The following ZMAT4 variants were observed in gnomAD, a reference collection of about 807,000 sequenced individuals.
The protein encoded by ZMAT4 is zinc finger matrin-type 4, also known as zinc finger matrin-type protein 4.
Under a neutral mutation model 28.7 loss-of-function variants are expected in ZMAT4, and 17 were observed. The ratio of observed to expected loss-of-function variants is 0.59; its 90% CI spans 0.41 to 0.89. The LOEUF (loss-of-function observed/expected upper bound fraction) is 0.89. ZMAT4 is among the 40% of genes least tolerant of loss of function. The probability of loss-of-function intolerance (pLI) is 0.00; values close to 1 mark genes in which losing one functional copy is unlikely to be tolerated. For missense variants in ZMAT4, 240 were observed against 283.8 expected, an observed-to-expected ratio of 0.85 and a Z score of 1.11; for synonymous variants, 117 against 109.2, an observed-to-expected ratio of 1.07 and a Z score of -0.44.
intron 2 of ZMAT4, among the ~76,000 whole-genome samples, chr8:40,797,128 G>C (rs903481239): frequency 6.6e-6 from 1 of 152,096 alleles, no homozygotes; most frequent in Admixed American, 6.6e-5. Context: ...TTTTCCCCTT[G>C]TCTAACCACT....
intron 5 of ZMAT4, among the ~76,000 whole-genome samples, chr8:40,649,898 C>A (rs1341728757): frequency 6.6e-6 from 1 of 151,478 alleles, no homozygotes; most frequent in African/African-American, 2.4e-5. Context: ...ACACAACATA[C>A]CAGAATCTCT....
chr8:40,675,563 G>T (rs1231252802), intron 4 of ZMAT4, among the ~76,000 whole-genome samples: 1 of 152,164 alleles, frequency 6.6e-6, no homozygotes, highest in African/African-American at 2.4e-5. Context: ...GTAAGGGAGT[G>T]ATCTATCAGT....
At position 40,646,269 on chromosome 8, in the gene ZMAT4, G is replaced by A. The variant is rs766072240; in HGVS notation, c.577+28435C>T. Among the ~76,000 whole-genome samples, 22 of 149,478 alleles carry A rather than the reference G, an allele frequency of 1.5e-4. No individual in the cohort carries two copies. In the South Asian group the frequency reaches 1.7e-3, roughly 12 times the overall value. Reference sequence around the variant, plus strand: ...TTTTTGCTTCTCTGTTCCTCTCTTCGTGCTTTTTTTCATGTAATTTAATTT... The same window carrying A: ...TTTTTGCTTCTCTGTTCCTCTCTTCATGCTTTTTTTCATGTAATTTAATTT... On this transcript the variant is annotated intron_variant, in intron 5 of 6. Transcript: ENST00000297737.
chr8:40,532,588 T>C (rs1287117344), intron 6 of ZMAT4, among the ~76,000 whole-genome samples: 3 of 152,184 alleles, frequency 2.0e-5, no homozygotes, highest in Non-Finnish European at 4.4e-5. Context: ...TATAACTACA[T>C]GCAGAACCCT....
chr8:40,682,499 CATG>C (rs1196698580), intron 4 of ZMAT4, among the ~76,000 whole-genome samples: 8 of 152,210 alleles, frequency 5.3e-5, no homozygotes, highest in Non-Finnish European at 5.9e-5. Context: ...TGTCTTCTCA[CATG>C]ATATGTCTGG....
At chr8:40,824,732 G>GAAAGAA (rs376367926) in intron 2 of ZMAT4, among the ~76,000 whole-genome samples, 1 of 127,152 alleles carries the variant, frequency 7.9e-6, no homozygotes, top group East Asian at 2.1e-4. Flanking sequence ...AAGAAAGAAA[G>GAAAGAA]AAGAAAGAAA....
chr8:40,790,596 C>A (rs1814282381), intron 2 of ZMAT4, among the ~76,000 whole-genome samples: 1 of 151,584 alleles, frequency 6.6e-6, no homozygotes, highest in East Asian at 1.9e-4. Context: ...TGTGCAAGAC[C>A]TATACACTAA....
Position 40,734,206 on chromosome 8 carries a change from C to T in ZMAT4, c.192+33435G>A, listed in dbSNP as rs185744237. Among the ~76,000 whole-genome samples the T allele has an allele frequency of 3.9e-5, 6 of 152,110 alleles. No individual in the cohort carries two copies. The East Asian group carries it at 7.7e-4, about 20-fold the overall frequency. ...TTTTAGATGGGACTAGTCTTACTTA[C>T]GAAATATTGCTCTCCAAATTTCAGG... On this transcript the variant is annotated intron_variant, in intron 3 of 6. Transcript: ENST00000297737.
intron 5 of ZMAT4, among the ~76,000 whole-genome samples, chr8:40,641,227 G>T (rs751817506): frequency 1.3e-5 from 2 of 152,194 alleles, no homozygotes; most frequent in Non-Finnish European, 2.9e-5. Context: ...TAGCAAAGGT[G>T]CTAACTGGGC....
chr8:40,542,209 G>C (rs1803057902), intron 6 of ZMAT4, among the ~76,000 whole-genome samples: 1 of 152,098 alleles, frequency 6.6e-6, no homozygotes, highest in South Asian at 2.1e-4. Flanking sequence ...GCTTGCAGAA[G>C]GAACATGCCA....
At chr8:40,794,518 G>A (rs1241214881) in intron 2 of ZMAT4, among the ~76,000 whole-genome samples, 1 of 152,188 alleles carries the variant, frequency 6.6e-6, no homozygotes, top group Admixed American at 6.5e-5. Flanking sequence ...CTTCTTCCGG[G>A]GGAGTTTACT....
intron 1 of ZMAT4, among the ~76,000 whole-genome samples, chr8:40,896,556 C>G (rs1217620358): frequency 6.6e-6 from 1 of 152,160 alleles, no homozygotes; most frequent in Non-Finnish European, 1.5e-5. Context: ...CCCCATGGGT[C>G]CCTGCTTCCT....
rs780301830 is a variant in ZMAT4 at position 40,786,706 on chromosome 8, G to A, written c.103-18976C>T. 4 of 1,288,984 alleles carry A rather than the reference G, an allele frequency of 3.1e-6. No homozygotes were observed. The South Asian group carries it at 4.9e-5, about 16-fold the overall frequency. 79.8% of individuals were successfully genotyped at this position (1,288,984 alleles called of 1,614,324 possible). ...CAACTTACGGGTCAGAATTCACACA[G>A]CCACCTTCTTCAGTGTGACATCTTC... On this transcript the variant is annotated intron_variant, in intron 2 of 6. Coordinates refer to ENST00000297737, the MANE Select transcript of ZMAT4 (RefSeq NM_024645.3).
intron 5 of ZMAT4, among the ~76,000 whole-genome samples, chr8:40,627,580 T>C (rs1406599684): frequency 6.6e-6 from 1 of 152,248 alleles, no homozygotes; most frequent in African/African-American, 2.4e-5. Flanking sequence ...TGAATTATAA[T>C]TTTTCTACCA....
chr8:40,676,535 AACCAATTAACCAAC>A (rs1808917185), intron 4 of ZMAT4, among the ~76,000 whole-genome samples: 1 of 152,134 alleles, frequency 6.6e-6, no homozygotes, highest in Non-Finnish European at 1.5e-5. Context: ...CAAGTTAAGG[AACCAATTAACCAAC>A]ACCCCAAGCT....
At chr8:40,743,853 C>T (rs1812115212) in intron 3 of ZMAT4, among the ~76,000 whole-genome samples, 2 of 152,072 alleles carry the variant, frequency 1.3e-5, no homozygotes, top group Admixed American at 1.3e-4. Flanking sequence ...CTGATTCTGG[C>T]TGTGGAGCCA....
intron 2 of ZMAT4, among the ~76,000 whole-genome samples, chr8:40,768,424 GT>G (rs1813250786): frequency 6.6e-6 from 1 of 152,154 alleles, no homozygotes. Context: ...TGCCTTCTTT[GT>G]TCCCTATTTC....
chr8:40,812,698 A>G (rs960270525), intron 2 of ZMAT4, among the ~76,000 whole-genome samples: 2 of 152,176 alleles, frequency 1.3e-5, no homozygotes, highest in Non-Finnish European at 2.9e-5. Context: ...TGGGAGGCCG[A>G]GGCGGGCGGA....
intron 5 of ZMAT4, among the ~76,000 whole-genome samples, chr8:40,585,566 C>G (rs931664312): frequency 2.0e-5 from 3 of 152,048 alleles, no homozygotes; most frequent in African/African-American, 7.2e-5. Context: ...TTAAATTTGT[C>G]AGAACAATAC....
Sources: gnomAD v4.1 joint callset for allele counts (sites outside exome capture counted in the v4.1 genomes callset) on GRCh38, gnomAD v4.1.1 for gene constraint, MANE v1.5 for transcripts, NCBI Gene and HGNC (gene_info 2026-07-23, HGNC 2026-07-21) for gene names.